The following CTNNA2 variants were observed in gnomAD, a reference collection of about 807,000 sequenced individuals.
CTNNA2 encodes catenin alpha 2.
In CTNNA2, 42 loss-of-function variants were observed where a neutral mutation model predicts 101.0. The ratio of observed to expected loss-of-function variants is 0.42; its 90% confidence interval spans 0.32 to 0.54. CTNNA2 has a LOEUF of 0.54. Ranked by LOEUF, CTNNA2 falls within the 20% of genes least tolerant of loss-of-function variation. CTNNA2 has a pLI of 0.14. For synonymous variants in CTNNA2, 450 were observed against 456.4 expected (o/e 0.99, Z 0.18); for missense variants, 871 against 1,223.1 (o/e 0.71, Z 4.29).
chr2:79,460,077 T>A (rs1323784289), intron 4 of CTNNA2, among the ~76,000 whole-genome samples: 1 of 152,180 alleles, frequency 6.6e-6, no homozygotes, highest in Non-Finnish European at 1.5e-5. Flanking sequence ...AATATACTGA[T>A]GACCTCAGAA....
chr2:79,774,945 C>T (rs555053950), intron 3 of CTNNA2, among the ~76,000 whole-genome samples: 13 of 152,242 alleles, frequency 8.5e-5, no homozygotes, highest in African/African-American at 2.9e-4. Context: ...GCGTCAGTAA[C>T]ATTAGGGGTC....
chr2:80,628,332 A>T (rs1671905873), intron 18 of CTNNA2, among the ~76,000 whole-genome samples: 1 of 152,064 alleles, frequency 6.6e-6, no homozygotes, highest in Non-Finnish European at 1.5e-5. Context: ...AAAAGAACAA[A>T]GCTGGAGGCA....
intron 11 of CTNNA2, among the ~76,000 whole-genome samples, chr2:80,555,153 C>T (rs1453891483): frequency 3.4e-4 from 3 of 8,912 alleles, no homozygotes; most frequent in African/African-American, 6.5e-4. Context: ...AGACCAACTG[C>T]GTGATATTTA....
intron 8 of CTNNA2, among the ~76,000 whole-genome samples, chr2:80,399,075 A>T (rs868264938): frequency 7.3e-6 from 1 of 137,530 alleles, no homozygotes; most frequent in South Asian, 2.4e-4. Context: ...CGCCTGGCTA[A>T]TTTTTTTTTT....
chr2:79,519,234 A>G (rs1671972567), intron 1 of CTNNA2, among the ~76,000 whole-genome samples: 1 of 151,484 alleles, frequency 6.6e-6, no homozygotes, highest in Admixed American at 6.7e-5. Context: ...GTCTCAAAAA[A>G]AAAAAAAAAA....
intron 7 of CTNNA2, among the ~76,000 whole-genome samples, chr2:80,356,494 A>G (rs1673813420): frequency 6.6e-6 from 1 of 152,148 alleles, no homozygotes; most frequent in Admixed American, 6.5e-5. Flanking sequence ...AATAATAAAC[A>G]TTTATTGTGT....
chr2:79,400,991 T>G (rs1254599228), intron 4 of CTNNA2, among the ~76,000 whole-genome samples: 1 of 151,920 alleles, frequency 6.6e-6, no homozygotes, highest in East Asian at 1.9e-4. Context: ...AACTAAGACT[T>G]CTGTGTCTAG....
At chr2:79,675,931 A>G (rs750536938) in intron 2 of CTNNA2, among the ~76,000 whole-genome samples, 4 of 152,194 alleles carry the variant, frequency 2.6e-5, no homozygotes, top group Admixed American at 6.5e-5. Context: ...GGTACATCCT[A>G]TGTCCCACTG....
chr2:79,667,569 G>T (rs910076637), intron 2 of CTNNA2, among the ~76,000 whole-genome samples: 11 of 152,268 alleles, frequency 7.2e-5, no homozygotes, highest in Admixed American at 5.2e-4. Flanking sequence ...AACACAATCT[G>T]GTAGGAATGG....
At chr2:80,270,879 G>C (rs980971619) in intron 7 of CTNNA2, among the ~76,000 whole-genome samples, 1 of 152,036 alleles carries the variant, frequency 6.6e-6, no homozygotes, top group Non-Finnish European at 1.5e-5. Flanking sequence ...AGCCACCCTG[G>C]TATATTCAGA....
At chr2:80,145,795 A>G (rs1008721148) in intron 7 of CTNNA2, among the ~76,000 whole-genome samples, 1 of 152,234 alleles carries the variant, frequency 6.6e-6, no homozygotes, top group African/African-American at 2.4e-5. Flanking sequence ...GACTTTACAG[A>G]AAAGGTTTCA....
chr2:79,697,281 C>T (rs1441119782), intron 2 of CTNNA2, among the ~76,000 whole-genome samples: 4 of 152,076 alleles, frequency 2.6e-5, no homozygotes, highest in African/African-American at 4.8e-5. Context: ...GTAGAGCTGC[C>T]GTCTGAAGTC....
At chr2:80,035,980 C>G (rs970559020) in intron 7 of CTNNA2, among the ~76,000 whole-genome samples, 3 of 152,178 alleles carry the variant, frequency 2.0e-5, no homozygotes, top group Non-Finnish European at 4.4e-5. Context: ...TAGATGTAAT[C>G]TACATGAGCC....
intron 2 of CTNNA2, among the ~76,000 whole-genome samples, chr2:79,686,660 A>C (rs1167757853): frequency 6.6e-6 from 1 of 152,182 alleles, no homozygotes; most frequent in Non-Finnish European, 1.5e-5. Flanking sequence ...GCCATTAAAC[A>C]AACAAATGAT....
intron 2 of CTNNA2, among the ~76,000 whole-genome samples, chr2:79,671,967 C>T (rs919267802): frequency 6.6e-6 from 1 of 152,204 alleles, no homozygotes; most frequent in South Asian, 2.1e-4. Flanking sequence ...AGTTAATTTA[C>T]AGCTCAAATG....
chr2:80,032,713 A>G (rs1325239147), intron 7 of CTNNA2, among the ~76,000 whole-genome samples: 2 of 152,228 alleles, frequency 1.3e-5, no homozygotes, highest in Non-Finnish European at 2.9e-5. Flanking sequence ...TTAATGATAG[A>G]AAAACATCAA....
intron 1 of CTNNA2, among the ~76,000 whole-genome samples, chr2:79,624,334 CT>C (rs10716037): frequency 0.15 from 21,589 of 147,538 alleles, 2,689 homozygotes; most frequent in African/African-American, 0.35. Flanking sequence ...TTTCATTAGG[CT>C]TTTTTTTTTG....
At chr2:79,450,154 G>A (rs1282858371) in intron 4 of CTNNA2, among the ~76,000 whole-genome samples, 1 of 151,828 alleles carries the variant, frequency 6.6e-6, no homozygotes, top group East Asian at 1.9e-4. Context: ...GAAAGATCAT[G>A]AGAACATTTT....
At chr2:80,182,619 A>G (rs1368981719) in intron 7 of CTNNA2, among the ~76,000 whole-genome samples, 3 of 152,212 alleles carry the variant, frequency 2.0e-5, no homozygotes, top group Non-Finnish European at 4.4e-5. Flanking sequence ...AGGCTCAATG[A>G]AGAAAATCAA....
Sources: allele counts gnomAD v4.1 joint callset (sites outside exome capture counted in the v4.1 genomes callset), GRCh38; gene constraint gnomAD v4.1.1; transcripts MANE v1.5; gene names NCBI Gene and HGNC (gene_info 2026-07-23, HGNC 2026-07-21).